The following KHDRBS2 variants were observed in gnomAD, a reference collection of about 807,000 sequenced individuals.
KHDRBS2 encodes the protein KH RNA binding domain containing, signal transduction associated 2, also known as KH domain-containing, RNA-binding, signal transduction-associated protein 2.
KHDRBS2 carries 26 observed loss-of-function variants against 44.3 expected under a neutral mutation model. That is an observed-to-expected ratio of 0.59 (90% CI 0.43 to 0.81). The LOEUF (loss-of-function observed/expected upper bound fraction) is 0.81, where lower values mean the gene tolerates loss of function less well. Among genes scored for constraint, KHDRBS2 ranks in the 40% least tolerant of loss-of-function variants. The pLI is 0.00. For synonymous variants in KHDRBS2, 194 were observed against 151.1 expected, an observed-to-expected ratio of 1.28 and a Z score of -2.08; for missense variants, 476 against 433.1, an observed-to-expected ratio of 1.10 and a Z score of -0.88.
chr6:62,080,402 T>A (rs556894158), intron 2 of KHDRBS2, among the ~76,000 whole-genome samples: 2 of 152,290 alleles, frequency 1.3e-5, no homozygotes, highest in East Asian at 3.9e-4. Context: ...AAAGTCATTT[T>A]TTCCATTAGA....
At chr6:62,187,830 T>C (rs144241600) in intron 1 of KHDRBS2, among the ~76,000 whole-genome samples, 106 of 152,256 alleles carry the variant, frequency 7.0e-4, no homozygotes, top group African/African-American at 2.5e-3. Context: ...CACAGCAGTA[T>C]ATTTGTCCAT....
intron 7 of KHDRBS2, among the ~76,000 whole-genome samples, chr6:61,729,918 A>C (rs1368273350): frequency 6.6e-6 from 1 of 152,164 alleles, no homozygotes; most frequent in Middle Eastern, 3.2e-3. Flanking sequence ...ATTTAATAAC[A>C]GTGTCTTTTA....
chr6:62,100,969 C>T (rs182537858), intron 2 of KHDRBS2, among the ~76,000 whole-genome samples: 1 of 152,248 alleles, frequency 6.6e-6, no homozygotes, highest in East Asian at 1.9e-4. Context: ...AAACATTCAA[C>T]ACTCAGAGCA....
At position 62,157,655 on chromosome 6, in the gene KHDRBS2, A is replaced by G. The variant is rs139481812; in HGVS notation, c.219+19530T>C. ...AAAATACAATAATAATAGCATGTTTATATAATTTTTATCATTTCATTATTT... is the reference window on the plus strand; with the variant it reads ...AAAATACAATAATAATAGCATGTTTGTATAATTTTTATCATTTCATTATTT... On this transcript the variant is annotated intron_variant, in intron 2 of 8. Transcript: ENST00000281156. Among the ~76,000 whole-genome samples, 530 of 152,314 alleles carry G rather than the reference A, an allele frequency of 3.5e-3. 2 individuals are homozygous for G. Among genetic ancestry groups the G allele is most frequent in the African/African-American group, 0.012 (514 of 41,574 alleles).
At chr6:61,984,411 C>G (rs544327333) in intron 3 of KHDRBS2, among the ~76,000 whole-genome samples, 44 of 152,162 alleles carry the variant, frequency 2.9e-4, no homozygotes, top group African/African-American at 9.6e-4. Flanking sequence ...TTTGGAGCCC[C>G]AGGATTCACA....
intron 4 of KHDRBS2, among the ~76,000 whole-genome samples, chr6:61,937,892 C>T (rs190801292): frequency 2.0e-4 from 31 of 152,088 alleles, no homozygotes; most frequent in Admixed American, 1.1e-3. Flanking sequence ...ATTTCTGGCA[C>T]GTGAAGATTT....
chr6:62,270,964 T>C (rs1212853832), intron 1 of KHDRBS2, among the ~76,000 whole-genome samples: 3 of 152,162 alleles, frequency 2.0e-5, no homozygotes, highest in African/African-American at 7.2e-5. Flanking sequence ...ACCATGTTTT[T>C]TCTACTATAA....
chr6:62,194,359 TA>T (rs930944286), intron 1 of KHDRBS2, among the ~76,000 whole-genome samples: 1 of 151,432 alleles, frequency 6.6e-6, no homozygotes, highest in East Asian at 1.9e-4. Flanking sequence ...GAAACCCTTG[TA>T]AAAAAAACCA....
At chr6:62,108,732 C>A (rs150912296) in intron 2 of KHDRBS2, among the ~76,000 whole-genome samples, 1 of 152,098 alleles carries the variant, frequency 6.6e-6, no homozygotes, top group East Asian at 1.9e-4. Flanking sequence ...ATTAAGAAAA[C>A]GTGGCATATA....
chr6:62,274,189 C>T (rs1459712515), intron 1 of KHDRBS2, among the ~76,000 whole-genome samples: 2 of 152,088 alleles, frequency 1.3e-5, no homozygotes, highest in African/African-American at 4.8e-5. Flanking sequence ...CCACCTCAGC[C>T]TCCCTAGATC....
chr6:62,023,261 C>A (rs1244134743), intron 3 of KHDRBS2, among the ~76,000 whole-genome samples: 1 of 151,508 alleles, frequency 6.6e-6, no homozygotes, highest in Non-Finnish European at 1.5e-5. Context: ...ATCTGTCTAC[C>A]TCAAGAAACA....
At position 62,170,052 on chromosome 6, in the gene KHDRBS2, C is replaced by T. The variant is rs141648580; in HGVS notation, c.219+7133G>A. Among the ~76,000 whole-genome samples the T allele has an allele frequency of 2.1e-3, 320 of 151,924 alleles. 4 individuals carry two copies. Among genetic ancestry groups the T allele is most frequent in the Admixed American group, 7.0e-3 (106 of 15,248 alleles). On this transcript the variant is annotated intron_variant, in intron 2 of 8. Coordinates refer to ENST00000281156, the MANE Select transcript of KHDRBS2 (RefSeq NM_152688.4). ...TACCCCAAACACTGGTAGCAATGTG[C>T]GCCACGCCTGCTAGATCTTTTAGCC... is the stretch of plus-strand genomic sequence containing the variant.
chr6:61,861,174 T>C (rs897643706), intron 6 of KHDRBS2, among the ~76,000 whole-genome samples: 1 of 152,184 alleles, frequency 6.6e-6, no homozygotes, highest in African/African-American at 2.4e-5. Flanking sequence ...ATCTGCTTAC[T>C]CTGTTCATAG....
At chr6:61,730,558 T>C (rs1179553745) in intron 7 of KHDRBS2, among the ~76,000 whole-genome samples, 1 of 152,084 alleles carries the variant, frequency 6.6e-6, no homozygotes, top group African/African-American at 2.4e-5. Context: ...AAATAAATGC[T>C]ATAGAAAAGT....
At chr6:61,955,715 T>TATGC (rs1767039831) in intron 4 of KHDRBS2, among the ~76,000 whole-genome samples, 1 of 123,904 alleles carries the variant, frequency 8.1e-6, no homozygotes, top group Non-Finnish European at 1.7e-5. Context: ...TACACATATG[T>TATGC]ATGTATACAT....
chr6:62,100,328 C>T (rs1801569806), intron 2 of KHDRBS2, among the ~76,000 whole-genome samples: 1 of 152,126 alleles, frequency 6.6e-6, no homozygotes, highest in South Asian at 2.1e-4. Context: ...AAATCTATTC[C>T]TGATGAAGAT....
intron 4 of KHDRBS2, among the ~76,000 whole-genome samples, chr6:61,915,476 A>G (rs935164157): frequency 2.6e-5 from 4 of 152,050 alleles, no homozygotes; most frequent in African/African-American, 9.7e-5. Flanking sequence ...AGAGGAAGGC[A>G]GGCTACTGAA....
chr6:61,788,270 G>A (rs1371242991), intron 6 of KHDRBS2, among the ~76,000 whole-genome samples: 1 of 151,434 alleles, frequency 6.6e-6, no homozygotes, highest in African/African-American at 2.4e-5. Flanking sequence ...AAATATTGGG[G>A]AAGAAAAATT....
At chr6:62,076,809 C>T (rs1242618541) in intron 2 of KHDRBS2, among the ~76,000 whole-genome samples, 1 of 151,948 alleles carries the variant, frequency 6.6e-6, no homozygotes, top group Non-Finnish European at 1.5e-5. Flanking sequence ...TGGGAGGCCA[C>T]TGAGTTGGTA....
Sources: gnomAD v4.1 joint callset for allele counts (sites outside exome capture counted in the v4.1 genomes callset) on GRCh38, gnomAD v4.1.1 for gene constraint, MANE v1.5 for transcripts, NCBI Gene and HGNC (gene_info 2026-07-23, HGNC 2026-07-21) for gene names.